MYCBP2: variants seen among roughly 807,000 people sequenced by gnomAD.
The protein encoded by MYCBP2 is MYC binding protein 2.
In MYCBP2, 120 loss-of-function variants were observed where a neutral mutation model predicts 525.3. That is an observed-to-expected ratio of 0.23 (90% CI 0.20 to 0.27). MYCBP2 has a LOEUF of 0.27. Ranked by LOEUF, MYCBP2 falls within the 10% of genes least tolerant of loss-of-function variation. MYCBP2 has a pLI of 1.00. For synonymous variants in MYCBP2, 1,894 were observed against 1,955.8 expected (o/e 0.97, Z 0.83); for missense variants, 4,149 against 5,657.1 (o/e 0.73, Z 8.55).
chr13:77,275,482 T>C (rs535583151), intron 4 of MYCBP2, among the ~76,000 whole-genome samples: 1 of 152,132 alleles, frequency 6.6e-6, no homozygotes, highest in Non-Finnish European at 1.5e-5. Context: ...CTCCCTCCTA[T>C]TCACCCTCTA....
chr13:77,048,496 C>G (rs970508639), intron 82 of MYCBP2, among the ~76,000 whole-genome samples: 4 of 152,158 alleles, frequency 2.6e-5, no homozygotes, highest in Non-Finnish European at 4.4e-5. Flanking sequence ...TGGCCATCTT[C>G]CCTACTCACA....
intron 3 of MYCBP2, among the ~76,000 whole-genome samples, chr13:77,286,794 A>G (rs1233661095): frequency 1.1e-4 from 12 of 105,282 alleles, no homozygotes; most frequent in African/African-American, 5.2e-4. Flanking sequence ...AAAAAAATAT[A>G]TATATATATA....
chr13:77,144,854 T>G (rs942838731), intron 48 of MYCBP2, among the ~76,000 whole-genome samples: 9 of 152,122 alleles, frequency 5.9e-5, no homozygotes, highest in African/African-American at 2.2e-4. Context: ...TAAACCTACT[T>G]TCCCCTGCCT....
chr13:77,247,992 G>C (rs950834245), intron 15 of MYCBP2, among the ~76,000 whole-genome samples: 2 of 152,042 alleles, frequency 1.3e-5, no homozygotes, highest in East Asian at 3.8e-4. Context: ...GGCCTGTTGT[G>C]GGGTGGGGGA....
At chr13:77,260,379 C>A in intron 13 of MYCBP2, 49 bp downstream of exon 13, 1 of 1,331,448 alleles carries the variant, frequency 7.5e-7, no homozygotes, top group Non-Finnish European at 1.0e-6. Flanking sequence ...TCATACATAA[C>A]TAGTATTGAA....
chr13:77,045,327 C>G lies in MYCBP2; in HGVS notation c.*51G>C, dbSNP rs200921734. 1.5e-6 allele frequency: 2 copies of G among 1,319,076 alleles called. No individual in the cohort carries two copies. Among genetic ancestry groups the G allele is most frequent in the Non-Finnish European group, 2.2e-6 (2 of 916,040 alleles). The allele number at this position is 1,319,076 out of a possible 1,614,324, so 81.7% of individuals were successfully genotyped here. A position where few individuals can be genotyped will look rare whatever the true frequency, so the allele number is the denominator to read the frequency against. On this transcript the variant is annotated 3_prime_UTR_variant, in exon 83 of 83. Coordinates refer to ENST00000544440, the MANE Select transcript of MYCBP2 (RefSeq NM_015057.5). ...CAGAGTTTAAACTTCACCGCATCCT[C>G]TTGGGGGATGAAGGCAATTTTTCTC... is the stretch of plus-strand genomic sequence containing the variant.
intron 23 of MYCBP2, among the ~76,000 whole-genome samples, chr13:77,208,612 GA>G (rs750931604): frequency 2.6e-5 from 4 of 152,090 alleles, no homozygotes; most frequent in Admixed American, 2.0e-4. Flanking sequence ...CTAACTTTTA[GA>G]GTAGGTATGT....
chr13:77,204,146 A>G (rs1209806619), intron 26 of MYCBP2, among the ~76,000 whole-genome samples: 1 of 151,658 alleles, frequency 6.6e-6, no homozygotes, highest in Non-Finnish European at 1.5e-5. Context: ...CAACCTACTC[A>G]TCTGACAAAG....
chr13:77,064,852 G>A, intron 72 of MYCBP2, 118 bp from the exon 73 acceptor site: 1 of 966,896 alleles, frequency 1.0e-6, no homozygotes, highest in Admixed American at 3.4e-5. Flanking sequence ...TGAGACCATG[G>A]AATTTTAGAT....
rs149637341 is a variant in MYCBP2, at chr13:77,121,389, T to G, written c.8124A>C (p.Gly2708=). Residue 2708 remains glycine (G), a synonymous_variant, in exon 55 of 83, where the codon GGA becomes GGC. Coordinates refer to ENST00000544440, the MANE Select transcript of MYCBP2 (RefSeq NM_015057.5). ...ASCSAQGFDY[G]LGNSKGDRGN... ...AATACCTACCTTTGCTATTTCCGAGTCCATAATCAAATCCTTGGGCACTGC... is the reference window on the plus strand; with the variant it reads ...AATACCTACCTTTGCTATTTCCGAGGCCATAATCAAATCCTTGGGCACTGC... 1 of 1,569,528 alleles carries G rather than the reference T, an allele frequency of 6.4e-7. No individual in the cohort carries two copies. Among genetic ancestry groups the G allele is most frequent in the Non-Finnish European group, 8.7e-7 (1 of 1,151,742 alleles).
At chr13:77,259,820 T>C (rs2072940527) in intron 13 of MYCBP2, among the ~76,000 whole-genome samples, 1 of 152,244 alleles carries the variant, frequency 6.6e-6, no homozygotes, top group African/African-American at 2.4e-5. Flanking sequence ...TATTCATTTC[T>C]AGCTGCTAGA....
chr13:77,095,726 T>C (rs1430201039), intron 57 of MYCBP2, 124 bp from the exon 58 acceptor site: 2 of 1,197,714 alleles, frequency 1.7e-6, no homozygotes, highest in African/African-American at 3.1e-5. Context: ...TTTAAGATAA[T>C]AAGATTATAA....
chr13:77,253,674 G>A lies in MYCBP2; in HGVS notation c.2177-2319C>T, dbSNP rs536785477. ...CTGATTACATGAATACAATCAATTT[G>A]AGAAAATTCATCAAGATACTATGTA... On this transcript the variant is annotated intron_variant, in intron 14 of 82. Coordinates refer to ENST00000544440, the MANE Select transcript of MYCBP2 (RefSeq NM_015057.5). 2.0e-5 allele frequency among the ~76,000 whole-genome samples: 3 copies of A among 151,980 alleles called. No individual in the cohort carries two copies. The East Asian group carries it at 5.8e-4, about 29-fold the overall frequency.
chr13:77,160,092 G>A (rs969523252), intron 44 of MYCBP2, among the ~76,000 whole-genome samples: 41 of 145,690 alleles, frequency 2.8e-4, no homozygotes, highest in Admixed American at 1.9e-3. Flanking sequence ...TTGAGACGGC[G>A]TTTCACTCTT....
chr13:77,046,247 T>A (rs1283427491), intron 82 of MYCBP2, among the ~76,000 whole-genome samples: 4 of 152,200 alleles, frequency 2.6e-5, no homozygotes, highest in East Asian at 1.9e-4. Context: ...TTTTAGTTCC[T>A]TTAGAAACCA....
intron 80 of MYCBP2, among the ~76,000 whole-genome samples, chr13:77,054,246 G>C (rs1165952752): frequency 6.6e-6 from 1 of 152,198 alleles, no homozygotes; most frequent in African/African-American, 2.4e-5. Flanking sequence ...GTGTCAGTGG[G>C]TGAGCAGACA....
At chr13:77,317,446 C>T (rs1405157517) in intron 1 of MYCBP2, among the ~76,000 whole-genome samples, 6 of 152,188 alleles carry the variant, frequency 3.9e-5, no homozygotes, top group East Asian at 3.9e-4. Context: ...TGATGCTATG[C>T]GGAGCCACTC....
intron 17 of MYCBP2, among the ~76,000 whole-genome samples, chr13:77,237,121 C>T (rs2068042076): frequency 6.6e-6 from 1 of 151,982 alleles, no homozygotes; most frequent in African/African-American, 2.4e-5. Flanking sequence ...TACAGTAAAA[C>T]CCACAAAAAC....
intron 1 of MYCBP2, among the ~76,000 whole-genome samples, chr13:77,324,616 G>C (rs557419931): frequency 6.6e-6 from 1 of 152,336 alleles, no homozygotes; most frequent in East Asian, 1.9e-4. Flanking sequence ...TCCATGAGTA[G>C]TTCTTGAAAT....
Sources: gnomAD v4.1 joint callset for allele counts (sites outside exome capture counted in the v4.1 genomes callset) on GRCh38, gnomAD v4.1.1 for gene constraint, MANE v1.5 for transcripts, NCBI Gene and HGNC (gene_info 2026-07-23, HGNC 2026-07-21) for gene names.